SHTN1: variants seen among roughly 807,000 people sequenced by gnomAD.
The protein encoded by SHTN1 is shootin-1.
SHTN1 carries 42 observed loss-of-function variants against 83.1 expected under a neutral mutation model. The ratio of observed to expected loss-of-function variants is 0.51; its 90% CI spans 0.39 to 0.65. The LOEUF (loss-of-function observed/expected upper bound fraction) is 0.65, where lower values mean the gene tolerates loss of function less well. Among genes scored for constraint, SHTN1 ranks in the 30% least tolerant of loss-of-function variants. The probability of loss-of-function intolerance (pLI) is 0.00; values close to 1 mark genes in which losing one functional copy is unlikely to be tolerated. For synonymous variants in SHTN1, 224 were observed against 247.7 expected, an observed-to-expected ratio of 0.90 and a Z score of 0.90; for missense variants, 622 against 737.8, an observed-to-expected ratio of 0.84 and a Z score of 1.82.
intron 2 of SHTN1, among the ~76,000 whole-genome samples, chr10:117,027,787 C>A (rs1279438317): frequency 6.6e-6 from 1 of 152,152 alleles, no homozygotes; most frequent in Admixed American, 6.5e-5. Context: ...CGTGAGCCAC[C>A]GCACCTGGCC....
At chr10:117,019,085 T>TA (rs1300048205) in intron 2 of SHTN1, among the ~76,000 whole-genome samples, 1 of 152,166 alleles carries the variant, frequency 6.6e-6, no homozygotes, top group African/African-American at 2.4e-5. Flanking sequence ...CAGATCATTA[T>TA]AAAAAATTAC....
chr10:116,888,799 A>AT (rs1414188606), intron 16 of SHTN1, among the ~76,000 whole-genome samples: 3 of 152,204 alleles, frequency 2.0e-5, no homozygotes, highest in African/African-American at 4.8e-5. Context: ...GTTAAAAAAA[A>AT]TTTTTTTAAG....
intron 16 of SHTN1, among the ~76,000 whole-genome samples, chr10:116,893,879 A>C (rs1460730197): frequency 6.6e-6 from 1 of 152,226 alleles, no homozygotes; most frequent in African/African-American, 2.4e-5. Context: ...AAAAGCTCAT[A>C]ATCTTTCATA....
intron 16 of SHTN1, among the ~76,000 whole-genome samples, chr10:116,898,604 A>G (rs907300486): frequency 3.9e-5 from 6 of 152,200 alleles, no homozygotes; most frequent in Non-Finnish European, 7.3e-5. Context: ...GATTTAAGAT[A>G]CTAGGATTAG....
At chr10:117,099,201 G>T (rs560942598) in intron 1 of SHTN1, among the ~76,000 whole-genome samples, 74 of 152,174 alleles carry the variant, frequency 4.9e-4, no homozygotes, top group African/African-American at 1.7e-3. Flanking sequence ...AAAACATGCA[G>T]AGTGATATAA....
intron 3 of SHTN1, 149 bp from the exon 4 acceptor site, chr10:116,960,379 C>A: frequency 1.9e-6 from 1 of 521,444 alleles, no homozygotes; most frequent in Non-Finnish European, 3.4e-6. Flanking sequence ...TGAGAAGCTG[C>A]CCTGATTAAA....
At chr10:117,085,762 G>T (rs1853341149) in intron 1 of SHTN1, among the ~76,000 whole-genome samples, 1 of 152,086 alleles carries the variant, frequency 6.6e-6, no homozygotes, top group African/African-American at 2.4e-5. Context: ...TCTCTTTGCA[G>T]TTCTCTCAGT....
intron 1 of SHTN1, among the ~76,000 whole-genome samples, chr10:117,058,764 G>A (rs554775309): frequency 1.3e-5 from 2 of 152,234 alleles, no homozygotes; most frequent in East Asian, 3.9e-4. Flanking sequence ...AGATGAATGC[G>A]CAAGCAAAAT....
intron 7 of SHTN1, among the ~76,000 whole-genome samples, chr10:116,946,380 T>C (rs1229924921): frequency 6.8e-6 from 1 of 147,162 alleles, no homozygotes; most frequent in Non-Finnish European, 1.5e-5. Context: ...ACTACCTGAA[T>C]ATATACATTT....
chr10:117,048,404 TC>T, intron 2 of SHTN1: 1 of 797,786 alleles, frequency 1.3e-6, no homozygotes, highest in Middle Eastern at 6.4e-4. Flanking sequence ...TTTACAACCT[TC>T]CCAGCTGATT....
At chr10:117,063,599 A>G (rs1373510431) in intron 1 of SHTN1, among the ~76,000 whole-genome samples, 1 of 152,280 alleles carries the variant, frequency 6.6e-6, no homozygotes, top group South Asian at 2.1e-4. Flanking sequence ...TAATTGATAT[A>G]GCTTCCTATT....
At chr10:117,051,624 A>G (rs1175069894) in intron 1 of SHTN1, among the ~76,000 whole-genome samples, 1 of 152,080 alleles carries the variant, frequency 6.6e-6, no homozygotes, top group African/African-American at 2.4e-5. Flanking sequence ...AATACAATCA[A>G]TATAATATAC....
chr10:116,941,518 T>C (rs1849373400), intron 8 of SHTN1, among the ~76,000 whole-genome samples: 1 of 152,240 alleles, frequency 6.6e-6, no homozygotes, highest in Non-Finnish European at 1.5e-5. Flanking sequence ...TTGTAAACTC[T>C]GAAATCTGGC....
chr10:117,087,175 C>T lies in SHTN1; in HGVS notation c.-188-38665G>A, dbSNP rs985465723. On this transcript the variant is annotated intron_variant, in intron 1 of 17. Transcript: ENST00000392901. The stretch of plus-strand genomic sequence containing the variant: ...CAATAGGTTTAGTTGTTTGGAGTGA[C>T]GAAGAATTTCTGTAAACATAATGGT... Among the ~76,000 whole-genome samples, 4 of 69,496 alleles carry T rather than the reference C, an allele frequency of 5.8e-5. No individual in the cohort carries two copies. In the South Asian group the frequency reaches 2.5e-3, roughly 44 times the overall value. The allele number at this position is 69,496 out of a possible 152,430, so 45.6% of individuals were successfully genotyped here.
chr10:116,963,363 C>T (rs1850272166), intron 3 of SHTN1, among the ~76,000 whole-genome samples: 3 of 151,550 alleles, frequency 2.0e-5, no homozygotes, highest in East Asian at 1.9e-4. Context: ...TGAGCCACCG[C>T]GCCCGGCCAT....
intron 1 of SHTN1, among the ~76,000 whole-genome samples, chr10:117,095,012 A>G (rs1269753091): frequency 6.6e-6 from 1 of 152,152 alleles, no homozygotes. Flanking sequence ...TTTCTCTCAC[A>G]TCTGTGGTGT....
chr10:117,031,887 G>C (rs1385571537), intron 2 of SHTN1, among the ~76,000 whole-genome samples: 6 of 152,082 alleles, frequency 3.9e-5, no homozygotes, highest in Admixed American at 3.9e-4. Flanking sequence ...AAAACGGCAG[G>C]AGTAAATATT....
At chr10:117,095,114 G>T (rs763440219) in intron 1 of SHTN1, among the ~76,000 whole-genome samples, 35 of 152,166 alleles carry the variant, frequency 2.3e-4, no homozygotes, top group Non-Finnish European at 4.6e-4. Flanking sequence ...TATCAAAGCC[G>T]TGAGGAAATT....
intron 9 of SHTN1, 61 bp from the exon 10 acceptor site, chr10:116,930,063 A>G: frequency 1.8e-6 from 2 of 1,138,574 alleles, no homozygotes; most frequent in Non-Finnish European, 2.5e-6. Context: ...TGTCAAAGAA[A>G]AGAAAGGGAA....
Sources: gnomAD v4.1 joint callset for allele counts (sites outside exome capture counted in the v4.1 genomes callset) on GRCh38, gnomAD v4.1.1 for gene constraint, MANE v1.5 for transcripts, NCBI Gene and HGNC (gene_info 2026-07-23, HGNC 2026-07-21) for gene names.